Variants in CACNA1B observed in about 807,000 individuals in gnomAD.
CACNA1B encodes calcium voltage-gated channel subunit alpha1 B.
In CACNA1B, 70 loss-of-function variants were observed where a neutral mutation model predicts 247.2. That is an observed-to-expected ratio of 0.28 (90% CI 0.23 to 0.35). The LOEUF is 0.35. Ranked by LOEUF, CACNA1B falls within the 10% of genes least tolerant of loss-of-function variation. The pLI is 1.00. For missense variants in CACNA1B, 2,367 were observed against 3,197.4 expected (o/e 0.74, Z 6.26); for synonymous variants, 1,231 against 1,294.4 (o/e 0.95, Z 1.05).
chr9:137,941,239 T>C (rs186560337), intron 6 of CACNA1B, among the ~76,000 whole-genome samples: 9 of 152,298 alleles, frequency 5.9e-5, no homozygotes, highest in Non-Finnish European at 1.0e-4. Context: ...ACATAATTAA[T>C]GTACACAAAT....
chr9:137,878,122 G>C lies in CACNA1B; in HGVS notation c.189G>C (p.Pro63=), dbSNP rs199588193. The change falls in exon 1 of 47, where the codon CCG becomes CCC. Residue 63 remains proline, a synonymous_variant. Transcript: ENST00000371372. The part of the protein sequence containing the change: ...ARTMALYNPI[P]VKQNCFTVNR... ...CCATGGCGCTGTACAACCCCATCCCGGTCAAGCAGAACTGCTTCACCGTCA... is the reference window on the plus strand; with the variant it reads ...CCATGGCGCTGTACAACCCCATCCCCGTCAAGCAGAACTGCTTCACCGTCA... 1 of 1,337,826 alleles carries C rather than the reference G, an allele frequency of 7.5e-7. No homozygotes were observed. Among genetic ancestry groups the C allele is most frequent in the Admixed American group, 3.3e-5 (1 of 30,012 alleles). 82.9% of individuals were successfully genotyped at this position (1,337,826 alleles called of 1,614,324 possible).
rs1040149062 is a variant in CACNA1B, at chr9:137,882,059, C to G, written c.391-685C>G. Reference sequence around the variant, plus strand: ...GGGTCCTCACAGATGTGGCGGTCGTCGCTCAGCACACTCAGGGCTGAGGTT... The same window carrying G: ...GGGTCCTCACAGATGTGGCGGTCGTGGCTCAGCACACTCAGGGCTGAGGTT... On this transcript the variant is annotated intron_variant, in intron 2 of 46. Transcript: ENST00000371372. The surrounding 1 kb of genome is among the most constrained non-coding windows in gnomAD (Gnocchi z 4.0). Among the ~76,000 whole-genome samples the G allele has an allele frequency of 6.6e-6, 1 of 152,156 alleles. No individual in the cohort carries two copies. The highest frequency in any genetic ancestry group is 6.5e-5 in the Admixed American group (1 of 15,274).
chr9:138,059,246 T>C lies in CACNA1B; in HGVS notation c.4584+57T>C. The C allele has an allele frequency of 1.0e-6, 1 of 1,000,422 alleles. No individual in the cohort carries two copies. The highest frequency in any genetic ancestry group is 1.6e-6 in the Non-Finnish European group (1 of 635,614). The allele number at this position is 1,000,422 out of a possible 1,614,324, so 62.0% of individuals were successfully genotyped here. A position where few individuals can be genotyped will look rare whatever the true frequency, so the allele number is the denominator to read the frequency against. On this transcript the variant is annotated intron_variant, in intron 30 of 46. Transcript: ENST00000371372. The surrounding 1 kb of genome is among the most constrained non-coding windows in gnomAD (Gnocchi z 4.2). ...ACAACCTATATTCTGGTTCCCCATC[T>C]GTAGGGCGACCTTTGGGGGCTCACA...
At chr9:138,069,022 C>T (rs979603717) in intron 31 of CACNA1B, among the ~76,000 whole-genome samples, 1 of 152,214 alleles carries the variant, frequency 6.6e-6, no homozygotes, top group African/African-American at 2.4e-5. Flanking sequence ...ACCCTGGACA[C>T]CCAGCAGGTT....
chr9:138,103,176 C>T (rs887238085), intron 38 of CACNA1B, among the ~76,000 whole-genome samples: 13 of 152,150 alleles, frequency 8.5e-5, no homozygotes, highest in African/African-American at 3.1e-4. Context: ...TGTTTTTGTT[C>T]TGGGCTCAGA....
intron 20 of CACNA1B, among the ~76,000 whole-genome samples, chr9:138,038,748 C>T (rs1010976070): frequency 3.3e-5 from 5 of 152,216 alleles, no homozygotes; most frequent in African/African-American, 1.2e-4. Context: ...TCTGGAAGCC[C>T]GTCTCACCTC....
At chr9:137,892,346 G>A (rs1260914419) in intron 3 of CACNA1B, 1 of 456,658 alleles carries the variant, frequency 2.2e-6, no homozygotes, top group Non-Finnish European at 4.4e-6. Context: ...GGTGGGCGGT[G>A]CTGATCCGAT....
chr9:138,059,751 C>G lies in CACNA1B; in HGVS notation c.4668+14C>G. 6.7e-7 allele frequency: 1 copy of G among 1,493,418 alleles called. No individual in the cohort carries two copies. The highest frequency in any genetic ancestry group is 9.3e-7 in the Non-Finnish European group (1 of 1,070,086). The allele number at this position is 1,493,418 out of a possible 1,614,324, so 92.5% of individuals were successfully genotyped here. A position where few individuals can be genotyped will look rare whatever the true frequency, so the allele number is the denominator to read the frequency against. ...ACAGAGATTGCGGTAAGTAGCATTT[C>G]TGTCCCTCCTTCAGGGTCCCCAGGT... On this transcript the variant is annotated intron_variant, in intron 31 of 46. Transcript: ENST00000371372. The surrounding 1 kb of genome is among the most constrained non-coding windows in gnomAD (Gnocchi z 4.2).
Position 138,038,689 on chromosome 9 carries a change from G to A in CACNA1B, c.3287-5085G>A, listed in dbSNP as rs557144518. On this transcript the variant is annotated intron_variant, in intron 20 of 46. Coordinates refer to ENST00000371372, the MANE Select transcript of CACNA1B (RefSeq NM_000718.4). ...ACCTTTGCAGGACCTGGTCTGAAGT[G>A]CACCCTTGCTCGGCTTCTTTACCTC... Among the ~76,000 whole-genome samples the A allele has an allele frequency of 3.9e-5, 6 of 152,334 alleles. No homozygotes were observed. In the East Asian group the frequency reaches 1.2e-3, roughly 29 times the overall value.
Position 138,041,271 on chromosome 9 carries a change from G to T in CACNA1B, c.3287-2503G>T, listed in dbSNP as rs184410569. Among the ~76,000 whole-genome samples, 231 of 152,260 alleles carry T rather than the reference G, an allele frequency of 1.5e-3. 1 individual carries two copies. Among genetic ancestry groups the T allele is most frequent in the Non-Finnish European group, 2.0e-3 (136 of 68,026 alleles). ...TCCTACCTGTGCACTGGAAAGAGCG[G>T]TTCCTCAGTTCAGCCTCAGTTTCTT... On this transcript the variant is annotated intron_variant, in intron 20 of 46. Coordinates refer to ENST00000371372, the MANE Select transcript of CACNA1B (RefSeq NM_000718.4).
intron 20 of CACNA1B, among the ~76,000 whole-genome samples, chr9:138,025,984 G>A (rs1958916211): frequency 6.6e-6 from 1 of 152,308 alleles, no homozygotes; most frequent in East Asian, 1.9e-4. Flanking sequence ...CAGACCAGAC[G>A]GACTCAATCA....
Position 137,986,957 on chromosome 9 carries a change from C to T in CACNA1B, c.1974+103C>T, listed in dbSNP as rs936543232. On this transcript the variant is annotated intron_variant, in intron 15 of 46. Transcript: ENST00000371372. The surrounding 1 kb of genome is among the most constrained non-coding windows in gnomAD (Gnocchi z 6.0). The stretch of plus-strand genomic sequence containing the variant: ...TCATTCCCTCCCTTGTTCCTCCACA[C>T]GGCCCAGATCACTGACTTTTCAGAC... The T allele has an allele frequency of 1.1e-6, 1 of 873,118 alleles. No individual in the cohort carries two copies. Among genetic ancestry groups the T allele is most frequent in the Non-Finnish European group, 1.9e-6 (1 of 514,940 alleles). 54.1% of individuals were successfully genotyped at this position (873,118 alleles called of 1,614,324 possible).
chr9:138,036,799 T>G (rs912905375), intron 20 of CACNA1B, among the ~76,000 whole-genome samples: 5 of 152,216 alleles, frequency 3.3e-5, no homozygotes, highest in Non-Finnish European at 7.3e-5. Flanking sequence ...CACTTACGCT[T>G]CTTCTTGCTT....
At chr9:138,015,443 A>T (rs1350811393) in intron 18 of CACNA1B, among the ~76,000 whole-genome samples, 1 of 146,736 alleles carries the variant, frequency 6.8e-6, no homozygotes, top group African/African-American at 2.7e-5. Context: ...GCTGTCTGTC[A>T]TCTGTCCTCG....
intron 40 of CACNA1B, among the ~76,000 whole-genome samples, chr9:138,113,933 G>T (rs963743645): frequency 1.4e-5 from 2 of 146,102 alleles, no homozygotes; most frequent in African/African-American, 2.5e-5. Context: ...TCCATCTTGT[G>T]GGAGACGTGA....
chr9:138,022,376 C>T (rs1170276566), intron 18 of CACNA1B, among the ~76,000 whole-genome samples: 1 of 152,128 alleles, frequency 6.6e-6, no homozygotes, highest in Non-Finnish European at 1.5e-5. Context: ...AGAGGCTCTG[C>T]GTTTGCTCCT....
chr9:137,993,214 A>T (rs1958453569), intron 15 of CACNA1B, among the ~76,000 whole-genome samples: 1 of 152,202 alleles, frequency 6.6e-6, no homozygotes, highest in South Asian at 2.1e-4. Flanking sequence ...ATTGAAACAA[A>T]AAAAATTACA....
chr9:138,066,779 T>C (rs1051045540), intron 31 of CACNA1B, among the ~76,000 whole-genome samples: 5 of 152,088 alleles, frequency 3.3e-5, no homozygotes, highest in Non-Finnish European at 7.4e-5. Flanking sequence ...AATGTTTATA[T>C]TAGAAAAAGA....
At chr9:137,905,652 G>T (rs1353432843) in intron 3 of CACNA1B, among the ~76,000 whole-genome samples, 1 of 152,156 alleles carries the variant, frequency 6.6e-6, no homozygotes, top group Non-Finnish European at 1.5e-5. Context: ...GTCTCAATCA[G>T]TTCCATTGTA....
Sources: gnomAD v4.1 joint callset for allele counts (sites outside exome capture counted in the v4.1 genomes callset) on GRCh38, gnomAD v4.1.1 for gene constraint, Gnocchi (gnomAD v3.1) non-coding constraint, MANE v1.5 for transcripts, NCBI Gene and HGNC (gene_info 2026-07-23, HGNC 2026-07-21) for gene names.